HCRTR1: variants seen among roughly 807,000 people sequenced by gnomAD.
The protein encoded by HCRTR1 is orexin/Hypocretin receptor type 1.
A neutral mutation model predicts 40.6 loss-of-function variants in HCRTR1; 28 were observed. The ratio of observed to expected loss-of-function variants is 0.69; its 90% CI spans 0.51 to 0.95. HCRTR1 has a LOEUF of 0.95. Among genes scored for constraint, HCRTR1 ranks in the 40% least tolerant of loss-of-function variants. The pLI, the probability that HCRTR1 is intolerant of heterozygous loss-of-function variation, is 0.00. For synonymous variants in HCRTR1, 209 were observed against 230.0 expected (o/e 0.91, Z 0.83); for missense variants, 482 against 564.7 (o/e 0.85, Z 1.48).
rs934376053 is a variant in HCRTR1, at chr1:31,627,290, C to T, written c.*310C>T. ...CATCCTCCTTCCAGAGCTTGGTCAT[C>T]CTCCTAAAGACCCCTTTCCTACCCA... is the stretch of plus-strand genomic sequence containing the variant. On this transcript the variant is annotated 3_prime_UTR_variant, in exon 9 of 9. Transcript: ENST00000403528. 4.4e-6 allele frequency: 6 copies of T among 1,378,076 alleles called. No individual in the cohort carries two copies. The highest frequency in any genetic ancestry group is 1.4e-5 in the African/African-American group (1 of 69,102). The allele number at this position is 1,378,076 out of a possible 1,614,324, so 85.4% of individuals were successfully genotyped here.
In HCRTR1 at chr1:31,626,964, C is replaced by A; in HGVS notation, c.1262C>A (p.Thr421Asn). The change falls in exon 9 of 9, where the codon ACC becomes AAC. Residue 421 changes from threonine to asparagine, a missense_variant. Thr to Asn is a moderately conservative substitution (Grantham distance 65, BLOSUM62 0). Coordinates refer to ENST00000403528, the MANE Select transcript of HCRTR1 (RefSeq NM_001525.3). This position sits in a 1 kb window ranked among gnomAD's most constrained non-coding sequence, Gnocchi z 4.6. ...GAGCATGTGGTGCTCACCAGCGTCACCACAGTGCTGCCCTGAGCGAGGGCT... is the reference window on the plus strand; with the variant it reads ...GAGCATGTGGTGCTCACCAGCGTCAACACAGTGCTGCCCTGAGCGAGGGCT... ...ISEHVVLTSVTTVLP is the reference protein window; with the variant it reads ...ISEHVVLTSVNTVLP 1.2e-6 allele frequency: 2 copies of A among 1,612,702 alleles called. No individual in the cohort carries two copies. Among genetic ancestry groups the A allele is most frequent in the Non-Finnish European group, 1.7e-6 (2 of 1,179,994 alleles).
chr1:31,626,789 G>A lies in HCRTR1; in HGVS notation c.1088-1G>A, dbSNP rs1370451113. 1 of 1,610,888 alleles carries A rather than the reference G, an allele frequency of 6.2e-7. No individual in the cohort carries two copies. Among genetic ancestry groups the A allele is most frequent in the Non-Finnish European group, 8.5e-7 (1 of 1,178,162 alleles). ...GCTGTGTCTTTTGTCTCCCAACCAA[G>A]GCAAATTCCGGGAGCAGTTTAAGGC... On this transcript the variant is annotated splice_acceptor_variant, in intron 8 of 8. Transcript: ENST00000403528. LOFTEE classifies it high-confidence loss of function. This position sits in a 1 kb window ranked among gnomAD's most constrained non-coding sequence, Gnocchi z 4.6.
At chr1:31,621,213 GAC>G (rs1639849092) in intron 5 of HCRTR1, 127 bp downstream of exon 5, 2 of 1,276,870 alleles carry the variant, frequency 1.6e-6, no homozygotes, top group South Asian at 2.9e-5. Flanking sequence ...TTCCCTAGGG[GAC>G]ACCCTAGACT....
chr1:31,621,783 T>G (rs1215282691), intron 6 of HCRTR1, among the ~76,000 whole-genome samples, 191 bp downstream of exon 6: 1 of 152,236 alleles, frequency 6.6e-6, no homozygotes, highest in Non-Finnish European at 1.5e-5. Context: ...TGGAATGGAA[T>G]AGTAACACGT....
downstream of HCRTR1, chr1:31,632,316 G>A (rs1165176593): frequency 2.8e-6 from 3 of 1,087,022 alleles, no homozygotes; most frequent in African/African-American, 4.7e-5. Context: ...CCTGGCTCTT[G>A]GCTCAGTGCC....
In HCRTR1 at chr1:31,626,873, C is replaced by T; in HGVS notation, c.1171C>T (p.Pro391Ser). The T allele has an allele frequency of 1.2e-6, 2 of 1,614,072 alleles. No homozygotes were observed. Among genetic ancestry groups the T allele is most frequent in the Non-Finnish European group, 1.7e-6 (2 of 1,180,038 alleles). ...GPCGSLKAPS[P>S]RSSASHKSLS... ...CTGCGGCTCTCTGAAGGCCCCTAGT[C>T]CCCGCTCCTCTGCCAGCCACAAGTC... The change falls in exon 9 of 9, where the codon CCC (proline) becomes TCC (serine). Residue 391 changes from proline to serine, a missense_variant. Transcript: ENST00000403528. The surrounding 1 kb of genome is among the most constrained non-coding windows in gnomAD (Gnocchi z 4.6).
intron 5 of HCRTR1, 150 bp downstream of exon 5, chr1:31,621,236 A>G: frequency 8.7e-7 from 1 of 1,145,684 alleles, no homozygotes. Flanking sequence ...GGCTCCTACC[A>G]GGGATACTCC....
intron 6 of HCRTR1, among the ~76,000 whole-genome samples, chr1:31,622,365 G>A (rs1290289065): frequency 3.3e-5 from 5 of 152,132 alleles, no homozygotes; most frequent in African/African-American, 1.2e-4. Flanking sequence ...CATTCCACAG[G>A]AAGTACTGGC....
rs111252644 is a variant in HCRTR1 at position 31,619,569 on chromosome 1, A to G, written c.237A>G (p.Thr79=). The change falls in exon 4 of 9, where the codon ACA becomes ACG. Residue 79 remains threonine (T), a synonymous_variant. Transcript: ENST00000403528. The part of the protein sequence containing the change: ...LAVWRNHHMR[T]VTNYFIVNLS... ...TGTGGCGGAACCACCACATGAGGAC[A>G]GTCACCAACTACTTCATTGTCAACC... is the stretch of plus-strand genomic sequence containing the variant. 6,771 of 1,614,126 alleles carry G rather than the reference A, an allele frequency of 4.2e-3. 14 individuals are homozygous for G. Among genetic ancestry groups the G allele is most frequent in the Non-Finnish European group, 5.1e-3 (5,995 of 1,180,006 alleles).
downstream of HCRTR1, chr1:31,633,283 G>C (rs1217517088): frequency 1.9e-6 from 3 of 1,613,822 alleles, no homozygotes; most frequent in Non-Finnish European, 2.5e-6. Flanking sequence ...ACCAGGAGTA[G>C]GCCTCAGGAT....
chr1:31,632,487 A>T (rs567366719), downstream of HCRTR1: 186 of 1,614,198 alleles, frequency 1.2e-4, 1 homozygote, highest in South Asian at 1.9e-3. Flanking sequence ...CCCGGCCATG[A>T]CCCGCACCTT....
At chr1:31,621,629 T>G in intron 6 of HCRTR1, 37 bp downstream of exon 6, 1 of 1,417,308 alleles carries the variant, frequency 7.1e-7, no homozygotes, top group Non-Finnish European at 9.9e-7. Context: ...GGCCAGTCAC[T>G]GTGTGGGCTG....
At chr1:31,621,913 A>AT (rs1318955918) in intron 6 of HCRTR1, among the ~76,000 whole-genome samples, 1 of 152,218 alleles carries the variant, frequency 6.6e-6, no homozygotes, top group Non-Finnish European at 1.5e-5. Context: ...GAAGATCAAC[A>AT]TAACTTCCCC....
rs895227589 is a variant in HCRTR1, at chr1:31,621,099, G to A, written c.622+13G>A. ...GAACGCTGGGCAGGTAATGGTGGAA[G>A]CCTCAAGCAGGCATCCCCTCAGGTG... On this transcript the variant is annotated intron_variant, in intron 5 of 8. Coordinates refer to ENST00000403528, the MANE Select transcript of HCRTR1 (RefSeq NM_001525.3). 8 of 1,595,036 alleles carry A rather than the reference G, an allele frequency of 5.0e-6. No homozygotes were observed. The highest frequency in any genetic ancestry group is 6.8e-6 in the Non-Finnish European group (8 of 1,174,154).
rs1283956651 is a variant in HCRTR1 at position 31,620,738 on chromosome 1, T to A, written c.379-105T>A. Reference sequence around the variant, plus strand: ...TTTACACAGCCAGTAAGTGGTGGAGTCAGGATTTGCACTGCCCTGCACCTG... The same window carrying A: ...TTTACACAGCCAGTAAGTGGTGGAGACAGGATTTGCACTGCCCTGCACCTG... On this transcript the variant is annotated intron_variant, in intron 4 of 8. Transcript: ENST00000403528. The A allele has an allele frequency of 2.8e-6, 4 of 1,428,882 alleles. No individual in the cohort carries two copies. The African/African-American group carries it at 5.6e-5, about 20-fold the overall frequency. 88.5% of individuals were successfully genotyped at this position (1,428,882 alleles called of 1,614,324 possible). A position where few individuals can be genotyped will look rare whatever the true frequency, so the allele number is the denominator to read the frequency against.
chr1:31,627,456 A>G lies in HCRTR1; in HGVS notation c.*476A>G, dbSNP rs1640004930. The G allele has an allele frequency of 1.1e-6, 1 of 935,606 alleles. No individual in the cohort carries two copies. The highest frequency in any genetic ancestry group is 1.5e-6 in the Non-Finnish European group (1 of 665,706). 58.0% of individuals were successfully genotyped at this position (935,606 alleles called of 1,614,324 possible). ...ACTAATCTGGGCCCAGCCTTTCTCC[A>G]GCGGGCCACGAGCACAGCCCCACCC... On this transcript the variant is annotated 3_prime_UTR_variant, in exon 9 of 9. Coordinates refer to ENST00000403528, the MANE Select transcript of HCRTR1 (RefSeq NM_001525.3).
chr1:31,627,545 A>G lies in HCRTR1; in HGVS notation c.*565A>G. 2.7e-6 allele frequency: 1 copy of G among 367,132 alleles called. No individual in the cohort carries two copies. Among genetic ancestry groups the G allele is most frequent in the Non-Finnish European group, 5.3e-6 (1 of 189,068 alleles). The allele number at this position is 367,132 out of a possible 1,614,324, so 22.7% of individuals were successfully genotyped here. ...TGTTGGCTTTGTGGTGTGATAAAAC[A>G]CTCTCCATGGCCACTTGGCAGAGAG... On this transcript the variant is annotated 3_prime_UTR_variant, in exon 9 of 9. Transcript: ENST00000403528.
downstream of HCRTR1, among the ~76,000 whole-genome samples, chr1:31,631,698 G>A (rs1226158245): frequency 2.0e-5 from 3 of 152,198 alleles, no homozygotes; most frequent in Non-Finnish European, 4.4e-5. Flanking sequence ...CAGTAAATAC[G>A]TTTTGTTGTG....
chr1:31,630,774 G>A (rs755186565), downstream of HCRTR1: 7 of 1,613,952 alleles, frequency 4.3e-6, no homozygotes, highest in South Asian at 3.3e-5. Flanking sequence ...TTGGCAGAGC[G>A]TGGGCAGTAG....
Sources: gnomAD v4.1 joint callset for allele counts (sites outside exome capture counted in the v4.1 genomes callset) on GRCh38, gnomAD v4.1.1 for gene constraint, Gnocchi (gnomAD v3.1) non-coding constraint, MANE v1.5 for transcripts, NCBI Gene and HGNC (gene_info 2026-07-23, HGNC 2026-07-21) for gene names.